The following CLTRN variants were observed in gnomAD, a reference collection of about 807,000 sequenced individuals.
CLTRN encodes collectrin, amino acid transport regulator.
Under a neutral mutation model 14.5 loss-of-function variants are expected in CLTRN, and 12 were observed. The observed-to-expected ratio is 0.83, with a 90% confidence interval of 0.53 to 1.34. CLTRN has a LOEUF of 1.34. CLTRN is among the 40% of genes most tolerant of loss of function. The pLI is 0.00. For synonymous variants in CLTRN, 58 were observed against 56.5 expected (o/e 1.03, Z -0.12); for missense variants, 154 against 165.1 (o/e 0.93, Z 0.37).
rs1929721086 is a variant in CLTRN, at chrX:15,671,799, G to A, written c.-506+3190C>T. Among the ~76,000 whole-genome samples, 4 of 109,100 alleles carry A rather than the reference G, an allele frequency of 3.7e-5. No individual in the cohort carries two copies. In the South Asian group the frequency reaches 1.6e-3, roughly 42 times the overall value. 94.7% of individuals were successfully genotyped at this position (109,100 alleles called of 115,157 possible). ...ATTTTAATAATAATTTTAGAATATAGAACAGATGATGTTACAATCTTTTGG... is the reference window on the plus strand; with the variant it reads ...ATTTTAATAATAATTTTAGAATATAAAACAGATGATGTTACAATCTTTTGG... On this transcript the variant is annotated intron_variant, in intron 1 of 6. Coordinates refer to the CLTRN transcript ENST00000650271.
chrX:15,658,861 G>C (rs1929434564), intron 3 of CLTRN, among the ~76,000 whole-genome samples, 155 bp downstream of exon 3: 1 of 110,801 alleles, frequency 9.0e-6, no homozygotes, highest in Non-Finnish European at 1.9e-5. Flanking sequence ...TGTAAGATGA[G>C]TTAGATTATA....
At chrX:15,650,816 A>C (rs771652775) in intron 3 of CLTRN, among the ~76,000 whole-genome samples, 8 of 112,166 alleles carry the variant, frequency 7.1e-5, no homozygotes, top group Non-Finnish European at 1.5e-4. Context: ...AAGAATTAAT[A>C]AGCCCACTTC....
chrX:15,639,618 G>A lies in CLTRN; in HGVS notation c.456C>T (p.Cys152=). Residue 152 remains cysteine, a synonymous_variant, in exon 5 of 6, where the codon TGC becomes TGT. Coordinates refer to ENST00000380342, the MANE Select transcript of CLTRN (RefSeq NM_020665.6). ...IWIIIFGVIF[C]IIIVAIALLI... is the part of the protein sequence containing the mutation. ...GTAGTGCAATTGCAACTATGATGAT[G>A]CAAAATATCACACCAAATATAATAA... The A allele has an allele frequency of 8.3e-7, 1 of 1,210,432 alleles. No individual in the cohort carries two copies. The highest frequency in any genetic ancestry group is 1.1e-6 in the Non-Finnish European group (1 of 894,588).
chrX:15,659,192 CCACACACACA>C (rs374840378), intron 2 of CLTRN, 91 bp from the exon 3 acceptor site: 1 of 331,221 alleles, frequency 3.0e-6, no homozygotes, highest in East Asian at 6.0e-5. Flanking sequence ...CTCTCTCTCT[CCACACACACA>C]CACACACACA....
intron 4 of CLTRN, among the ~76,000 whole-genome samples, chrX:15,642,876 T>C: frequency 9.2e-6 from 1 of 108,908 alleles, no homozygotes; most frequent in Non-Finnish European, 1.9e-5. Flanking sequence ...GAGGATCGCC[T>C]GAGGCCAGTT....
intron 3 of CLTRN, among the ~76,000 whole-genome samples, chrX:15,649,757 C>T: frequency 9.0e-6 from 1 of 110,654 alleles, no homozygotes; most frequent in East Asian, 2.8e-4. Context: ...GGGCAGGGGG[C>T]GGTCAGTACC....
At chrX:15,633,178 A>G (rs1018952265) in intron 5 of CLTRN, among the ~76,000 whole-genome samples, 1 of 111,768 alleles carries the variant, frequency 8.9e-6, no homozygotes, top group African/African-American at 3.3e-5. Flanking sequence ...GTTGCTTTAC[A>G]TGTGCCATAT....
chrX:15,663,473 T>C (rs1364948430), intron 2 of CLTRN, among the ~76,000 whole-genome samples: 1 of 112,498 alleles, frequency 8.9e-6, no homozygotes, highest in African/African-American at 3.2e-5. Flanking sequence ...ACTATCTTCC[T>C]CAAAGCATTG....
intron 3 of CLTRN, among the ~76,000 whole-genome samples, chrX:15,654,191 C>T (rs866137133): frequency 8.9e-6 from 1 of 112,440 alleles, no homozygotes; most frequent in Middle Eastern, 4.6e-3. Flanking sequence ...ACCGTGGATA[C>T]AACAGCACGT....
At chrX:15,662,588 T>C (rs1929533226) in intron 2 of CLTRN, among the ~76,000 whole-genome samples, 1 of 111,943 alleles carries the variant, frequency 8.9e-6, no homozygotes, top group Admixed American at 9.5e-5. Flanking sequence ...TCCTTTCTTC[T>C]ACCTACTGCT....
chrX:15,653,610 C>G (rs1929278978), intron 3 of CLTRN, among the ~76,000 whole-genome samples: 1 of 111,909 alleles, frequency 8.9e-6, no homozygotes, highest in Non-Finnish European at 1.9e-5. Flanking sequence ...CATCTCTTCC[C>G]TTCTCTGCCT....
chrX:15,629,389 G>A (rs928438506), intron 5 of CLTRN, among the ~76,000 whole-genome samples: 1 of 110,393 alleles, frequency 9.1e-6, no homozygotes, highest in Non-Finnish European at 1.9e-5. Flanking sequence ...AAAGGATATG[G>A]TGCACATGTA....
rs745807762 is a variant in CLTRN, at chrX:15,638,790, C to A, written c.512+772G>T. On this transcript the variant is annotated intron_variant, in intron 5 of 5. Coordinates refer to ENST00000380342, the MANE Select transcript of CLTRN (RefSeq NM_020665.6). ...CTTGAAGCAGTATCAATAACTTAGA[C>A]ATCGAAGTTTGCAAATGCCTCCAGA... 3.6e-5 allele frequency among the ~76,000 whole-genome samples: 4 copies of A among 112,023 alleles called. No homozygotes were observed. In the Admixed American group the frequency reaches 3.8e-4, roughly 11 times the overall value.
intron 5 of CLTRN, among the ~76,000 whole-genome samples, chrX:15,631,407 T>C (rs1452850169): frequency 1.8e-5 from 2 of 109,272 alleles, no homozygotes; most frequent in Non-Finnish European, 3.8e-5. Flanking sequence ...AAATAATAAT[T>C]GCCAGGGCCT....
upstream of CLTRN, among the ~76,000 whole-genome samples, chrX:15,668,856 G>A (rs1352559256): frequency 9.0e-6 from 1 of 111,680 alleles, no homozygotes; most frequent in African/African-American, 3.2e-5. Context: ...CATTTTGGCT[G>A]TTTACAATTT....
Position 15,646,462 on chromosome X carries a change from A to ACCCCCCCCCCCCCCC in CLTRN, c.204-1434_204-1433insGGGGGGGGGGGGGGG, listed in dbSNP as rs111413791. The ACCCCCCCCCCCCCCC allele has an allele frequency of 6.8e-5, 12 of 177,548 alleles. 1 individual carries two copies. Among genetic ancestry groups the ACCCCCCCCCCCCCCC allele is most frequent in the Admixed American group, 1.2e-4 (2 of 16,553 alleles). 14.6% of individuals were successfully genotyped at this position (177,548 alleles called of 1,213,427 possible). A position where few individuals can be genotyped will look rare whatever the true frequency, so the allele number is the denominator to read the frequency against. On this transcript the variant is annotated intron_variant, in intron 3 of 5. Transcript: ENST00000380342. Reference sequence around the variant, plus strand: ...CTCTGGGCCAGAAAACCGCGCACCCACCCCCCCGCCCGACCCCCGCGCCAG... The same window carrying ACCCCCCCCCCCCCCC: ...CTCTGGGCCAGAAAACCGCGCACCCACCCCCCCCCCCCCCCCCCCCCCGCCCGACCCCCGCGCCAG...
chrX:15,659,063 C>A lies in CLTRN; in HGVS notation c.156G>T (p.Ala52=). The change falls in exon 3 of 6, where the codon GCG becomes GCT. Residue 52 remains alanine (A), a synonymous_variant. Coordinates refer to ENST00000380342, the MANE Select transcript of CLTRN (RefSeq NM_020665.6). ...CTTTTCTCATGGAGAAAGCTACCAT[C>A]GCTTTGAAGAGGTATTCTTCATTGG... ...WDTNEEYLFK[A]MVAFSMRKVP... 1 of 1,181,234 alleles carries A rather than the reference C, an allele frequency of 8.5e-7. No individual in the cohort carries two copies.
chrX:15,660,994 CTGAT>C (rs1929495168), intron 2 of CLTRN, among the ~76,000 whole-genome samples: 2 of 112,390 alleles, frequency 1.8e-5, no homozygotes, highest in Middle Eastern at 4.6e-3. Flanking sequence ...TTAAAAGTAA[CTGAT>C]TGGTGGCATA....
chrX:15,631,139 G>A (rs912119325), intron 5 of CLTRN, among the ~76,000 whole-genome samples: 3 of 112,156 alleles, frequency 2.7e-5, no homozygotes, highest in African/African-American at 9.7e-5. Flanking sequence ...AGAGAGGAAT[G>A]TTTCTTCTAA....
Sources: allele counts gnomAD v4.1 joint callset (sites outside exome capture counted in the v4.1 genomes callset), GRCh38; gene constraint gnomAD v4.1.1; transcripts MANE v1.5; gene names NCBI Gene and HGNC (gene_info 2026-07-23, HGNC 2026-07-21).